UNKL: variants seen among roughly 807,000 people sequenced by gnomAD.
UNKL encodes the protein unk like zinc finger, also known as putative E3 ubiquitin-protein ligase UNKL.
A neutral mutation model predicts 78.0 loss-of-function variants in UNKL; 60 were observed. The ratio of observed to expected loss-of-function variants is 0.77; its 90% CI spans 0.63 to 0.95. The LOEUF is 0.95. Ranked by LOEUF, UNKL falls within the 40% of genes least tolerant of loss-of-function variation. The pLI is 0.00. For missense variants in UNKL, 1,159 were observed against 1,045.7 expected, an observed-to-expected ratio of 1.11 and a Z score of -1.49; for synonymous variants, 608 against 474.8, an observed-to-expected ratio of 1.28 and a Z score of -3.65.
Position 1,370,338 on chromosome 16 carries a change from G to A in UNKL, c.1377C>T (p.Gly459=). 1 of 1,532,540 alleles carries A rather than the reference G, an allele frequency of 6.5e-7. No individual in the cohort carries two copies. The highest frequency in any genetic ancestry group is 2.5e-5 in the East Asian group (1 of 40,750). The allele number at this position is 1,532,540 out of a possible 1,614,324, so 94.9% of individuals were successfully genotyped here. ...LGAAGPRSLA[G]SAPVAIPGSL... ...AGCCGGGGATGGCGACAGGTGCAGAGCCGGCCAGCGACCTGGGACCTGGCG... is the reference window on the plus strand; with the variant it reads ...AGCCGGGGATGGCGACAGGTGCAGAACCGGCCAGCGACCTGGGACCTGGCG... Residue 459 remains glycine (G), a synonymous_variant, in exon 12 of 15, where the codon GGC becomes GGT. Transcript: ENST00000389221.
chr16:1,403,117 G>T lies in UNKL; in HGVS notation c.464+51C>A. On this transcript the variant is annotated intron_variant, in intron 3 of 14. Coordinates refer to ENST00000389221, the MANE Select transcript of UNKL (RefSeq NM_001372107.1). This position sits in a 1 kb window ranked among gnomAD's most constrained non-coding sequence, Gnocchi z 4.8. Reference sequence around the variant, plus strand: ...TTGCCGAGTTCCTGCTCATCCAGCAGAGCCCACAGCAGCAGGCAGGCCAAG... The same window carrying T: ...TTGCCGAGTTCCTGCTCATCCAGCATAGCCCACAGCAGCAGGCAGGCCAAG... 1 of 1,559,380 alleles carries T rather than the reference G, an allele frequency of 6.4e-7. No homozygotes were observed. The highest frequency in any genetic ancestry group is 2.3e-5 in the East Asian group (1 of 43,008).
intron 9 of UNKL, among the ~76,000 whole-genome samples, chr16:1,388,564 A>G (rs753569371): frequency 3.9e-5 from 6 of 152,124 alleles, no homozygotes; most frequent in Non-Finnish European, 8.8e-5. Flanking sequence ...CTGTGACTTC[A>G]GCCCAAACGA....
intron 8 of UNKL, among the ~76,000 whole-genome samples, chr16:1,391,308 G>A (rs996552551): frequency 1.3e-5 from 2 of 151,798 alleles, no homozygotes; most frequent in Non-Finnish European, 2.9e-5. Flanking sequence ...GAATTTAGAC[G>A]AATGCTATTT....
intron 5 of UNKL, chr16:1,398,742 C>A: frequency 6.7e-7 from 1 of 1,482,972 alleles, no homozygotes; most frequent in Non-Finnish European, 9.0e-7. Context: ...CCAGGCACAA[C>A]CAGAAGGCCG....
intron 10 of UNKL, among the ~76,000 whole-genome samples, chr16:1,378,477 G>A (rs139356267): frequency 7.2e-5 from 11 of 152,326 alleles, no homozygotes; most frequent in African/African-American, 1.9e-4. Context: ...GGACAGGAAC[G>A]GAGGCGCCTT....
intron 10 of UNKL, among the ~76,000 whole-genome samples, chr16:1,375,115 G>T (rs1023863638): frequency 1.3e-5 from 2 of 152,160 alleles, no homozygotes; most frequent in African/African-American, 2.4e-5. Flanking sequence ...GGCGCTCGGC[G>T]GTCACACCCC....
intron 6 of UNKL, among the ~76,000 whole-genome samples, chr16:1,396,332 C>CT (rs1430451540): frequency 2.0e-5 from 3 of 150,832 alleles, no homozygotes; most frequent in Admixed American, 6.6e-5. Context: ...TCGGCTCACT[C>CT]TAAGCTCTGC....
rs535175695 is a variant in UNKL, at chr16:1,363,918, C to T, written c.*2322G>A. 1 of 152,350 alleles carries T rather than the reference C, an allele frequency of 6.6e-6. No individual in the cohort carries two copies. The highest frequency in any genetic ancestry group is 1.5e-5 in the Non-Finnish European group (1 of 68,146). The allele number at this position is 152,350 out of a possible 1,614,324, so 9.4% of individuals were successfully genotyped here. Reference sequence around the variant, plus strand: ...GCTCTACCACCCCGGAAGCTGAGCCCTGGAGACACCCTGAGGGGCGGGCGC... The same window carrying T: ...GCTCTACCACCCCGGAAGCTGAGCCTTGGAGACACCCTGAGGGGCGGGCGC... On this transcript the variant is annotated 3_prime_UTR_variant, in exon 15 of 15. Transcript: ENST00000389221.
At chr16:1,379,327 T>C (rs567188624) in intron 10 of UNKL, among the ~76,000 whole-genome samples, 1 of 150,222 alleles carries the variant, frequency 6.7e-6, no homozygotes, top group Non-Finnish European at 1.5e-5. Flanking sequence ...CGCTCCGCTC[T>C]CCTGCCCCGC....
chr16:1,378,483 G>C (rs1016551497), intron 10 of UNKL, among the ~76,000 whole-genome samples: 5 of 152,208 alleles, frequency 3.3e-5, no homozygotes, highest in African/African-American at 1.2e-4. Flanking sequence ...GAACGGAGGC[G>C]CCTTTTCTCC....
chr16:1,400,780 C>T (rs1490649122), intron 4 of UNKL, among the ~76,000 whole-genome samples: 3 of 152,052 alleles, frequency 2.0e-5, no homozygotes, highest in East Asian at 1.9e-4. Flanking sequence ...CTTCACCCCC[C>T]GAGTTCAAGA....
Position 1,366,369 on chromosome 16 carries a change from C to A in UNKL, c.2073G>T (p.Gln691His), listed in dbSNP as rs764902401. ...GGGCCCGCTCCCGGCAGGCCACACA[C>A]TGCTTGGCGCGGAGCTGGAAGATCA... ...DGVIFQLRAKQCVACRERAHG... is the reference protein window; with the variant it reads ...DGVIFQLRAKHCVACRERAHG... The change falls in exon 15 of 15, where the codon CAG becomes CAT. Residue 691 changes from glutamine (Q) to histidine (H), a missense_variant. Gln to His is a conservative substitution (Grantham distance 24, BLOSUM62 0). Coordinates refer to ENST00000389221, the MANE Select transcript of UNKL (RefSeq NM_001372107.1). The A allele has an allele frequency of 1.2e-6, 2 of 1,600,144 alleles. No homozygotes were observed. The highest frequency in any genetic ancestry group is 1.7e-6 in the Non-Finnish European group (2 of 1,172,328).
In UNKL at chr16:1,403,718, G is replaced by A. The variant is rs905099612; in HGVS notation, c.288-374C>T. 2.6e-5 allele frequency among the ~76,000 whole-genome samples: 4 copies of A among 152,164 alleles called. No individual in the cohort carries two copies. Among genetic ancestry groups the A allele is most frequent in the Non-Finnish European group, 2.9e-5 (2 of 68,036 alleles). ...GGGAATGAGAGTTCATGCCCTGCAC[G>A]CAGGCTGCGTCACCTTCCTTACCCG... is the stretch of plus-strand genomic sequence containing the variant. On this transcript the variant is annotated intron_variant, in intron 2 of 14. Coordinates refer to ENST00000389221, the MANE Select transcript of UNKL (RefSeq NM_001372107.1). The surrounding 1 kb of genome is among the most constrained non-coding windows in gnomAD (Gnocchi z 4.8).
chr16:1,378,719 G>A (rs1021732653), intron 10 of UNKL, among the ~76,000 whole-genome samples: 3 of 152,264 alleles, frequency 2.0e-5, no homozygotes, highest in South Asian at 2.1e-4. Context: ...CAGGGAGCGT[G>A]TGGGTGCCCC....
rs765601622 is a variant in UNKL, at chr16:1,403,127, C to T, written c.464+41G>A. On this transcript the variant is annotated intron_variant, in intron 3 of 14. Transcript: ENST00000389221. This position sits in a 1 kb window ranked among gnomAD's most constrained non-coding sequence, Gnocchi z 4.8. ...CCTGCTCATCCAGCAGAGCCCACAG[C>T]AGCAGGCAGGCCAAGTGCCCACTCG... 1.3e-6 allele frequency: 2 copies of T among 1,578,324 alleles called. No homozygotes were observed. Among genetic ancestry groups the T allele is most frequent in the Non-Finnish European group, 1.7e-6 (2 of 1,161,844 alleles).
intron 9 of UNKL, among the ~76,000 whole-genome samples, chr16:1,386,935 G>A (rs1161454365): frequency 2.0e-5 from 3 of 152,168 alleles, no homozygotes; most frequent in African/African-American, 7.2e-5. Flanking sequence ...GGTGCGAGAA[G>A]GGGCCTGCCC....
chr16:1,398,603 AG>A lies in UNKL; in HGVS notation c.734+770del. The A allele has an allele frequency of 2.1e-6, 3 of 1,417,984 alleles. No individual in the cohort carries two copies. In the South Asian group the frequency reaches 4.5e-5, roughly 21 times the overall value. 87.8% of individuals were successfully genotyped at this position (1,417,984 alleles called of 1,614,324 possible). A position where few individuals can be genotyped will look rare whatever the true frequency, so the allele number is the denominator to read the frequency against. ...GAGGCGAGGGTGGCTCTCTGCTCAA[AG>A]GAAGAGCTGGACACAGACAGGGCCT... On this transcript the variant is annotated intron_variant, in intron 5 of 14. Coordinates refer to ENST00000389221, the MANE Select transcript of UNKL (RefSeq NM_001372107.1).
Position 1,367,153 on chromosome 16 carries a change from G to A in UNKL, c.1985C>T (p.Pro662Leu). The A allele has an allele frequency of 6.2e-7, 1 of 1,603,006 alleles. No individual in the cohort carries two copies. The highest frequency in any genetic ancestry group is 8.5e-7 in the Non-Finnish European group (1 of 1,176,984). ...CTGCAGCGAGTGCAGCTTCGGCAGG[G>A]GAATGGTGCCGATGTCCCCACAGCC... The part of the protein sequence containing the change: ...LRGCGDIGTI[P>L]LPKLHSLQSQ... Residue 662 changes from proline (P) to leucine (L), a missense_variant, in exon 14 of 15, where the codon CCC becomes CTC. Coordinates refer to ENST00000389221, the MANE Select transcript of UNKL (RefSeq NM_001372107.1).
At chr16:1,393,797 T>C (rs1369904408) in intron 7 of UNKL, among the ~76,000 whole-genome samples, 1 of 152,174 alleles carries the variant, frequency 6.6e-6, no homozygotes, top group Admixed American at 6.5e-5. Flanking sequence ...AGGACCCAGC[T>C]TGGATGCCCA....
Sources: allele counts gnomAD v4.1 joint callset (sites outside exome capture counted in the v4.1 genomes callset), GRCh38; gene constraint gnomAD v4.1.1; non-coding constraint Gnocchi (gnomAD v3.1); transcripts MANE v1.5; gene names NCBI Gene and HGNC (gene_info 2026-07-23, HGNC 2026-07-21).